The following ANGPT1 variants were observed in gnomAD, a reference collection of about 807,000 sequenced individuals.
The protein encoded by ANGPT1 is angiopoietin-1.
Under a neutral mutation model 62.2 loss-of-function variants are expected in ANGPT1, and 17 were observed. The ratio of observed to expected loss-of-function variants is 0.27; its 90% CI spans 0.19 to 0.41. The LOEUF is 0.41. Among genes scored for constraint, ANGPT1 ranks in the 10% least tolerant of loss-of-function variants. The pLI is 1.00. For missense variants in ANGPT1, 478 were observed against 594.9 expected (o/e 0.80, Z 2.04); for synonymous variants, 199 against 198.9 (o/e 1.00, Z 0.00).
Position 107,412,358 on chromosome 8 carries a change from A to G in ANGPT1, c.298-65261T>C, listed in dbSNP as rs139302949. Among the ~76,000 whole-genome samples the G allele has an allele frequency of 9.7e-4, 147 of 152,286 alleles. 1 individual carries two copies. Among genetic ancestry groups the G allele is most frequent in the African/African-American group, 3.3e-3 (139 of 41,572 alleles). On this transcript the variant is annotated intron_variant, in intron 1 of 8. Coordinates refer to ENST00000517746, the MANE Select transcript of ANGPT1 (RefSeq NM_001146.5). ...CAGTTTCTCTTGAATCATGGGCTTC[A>G]TAGGGAAGAGTGAATTCCTGAACAA...
At position 107,313,427 on chromosome 8, in the gene ANGPT1, T is replaced by C. The variant is rs13253367; in HGVS notation, c.808+8469A>G. ...TATAGGAAGCTAAAAATGTTACTAG[T>C]TGTTTTTTTTTTTTTTTTTTTTTTT... On this transcript the variant is annotated intron_variant, in intron 4 of 8. Transcript: ENST00000517746. 1.6e-4 allele frequency among the ~76,000 whole-genome samples: 17 copies of C among 105,710 alleles called. No homozygotes were observed. The East Asian group carries it at 4.7e-3, about 29-fold the overall frequency. The allele number at this position is 105,710 out of a possible 152,430, so 69.3% of individuals were successfully genotyped here. A position where few individuals can be genotyped will look rare whatever the true frequency, so the allele number is the denominator to read the frequency against.
intron 1 of ANGPT1, among the ~76,000 whole-genome samples, chr8:107,495,955 TA>T (rs1263923419): frequency 6.6e-6 from 1 of 152,182 alleles, no homozygotes; most frequent in Non-Finnish European, 1.5e-5. Flanking sequence ...AAGTTCCAGT[TA>T]ATGTGTCAAA....
At chr8:107,332,226 A>G (rs1414614640) in intron 3 of ANGPT1, among the ~76,000 whole-genome samples, 3 of 152,204 alleles carry the variant, frequency 2.0e-5, no homozygotes, top group Non-Finnish European at 4.4e-5. Context: ...TGGGCAAGGT[A>G]AAATATTAAT....
chr8:107,288,439 A>T (rs985953223), intron 6 of ANGPT1, among the ~76,000 whole-genome samples: 1 of 152,208 alleles, frequency 6.6e-6, no homozygotes, highest in South Asian at 2.1e-4. Flanking sequence ...TACCATGCTA[A>T]TAAGTTAATA....
At chr8:107,350,756 C>A (rs1372975721) in intron 1 of ANGPT1, among the ~76,000 whole-genome samples, 1 of 152,006 alleles carries the variant, frequency 6.6e-6, no homozygotes. Context: ...CCTTTTAATG[C>A]AAAATCTAAT....
intron 6 of ANGPT1, among the ~76,000 whole-genome samples, chr8:107,286,359 A>T (rs566207840): frequency 1.3e-5 from 2 of 152,246 alleles, no homozygotes; most frequent in Non-Finnish European, 2.9e-5. Flanking sequence ...TAAAATTACG[A>T]ATTGTTGGAA....
At chr8:107,393,882 G>A (rs553037840) in intron 1 of ANGPT1, among the ~76,000 whole-genome samples, 23 of 152,300 alleles carry the variant, frequency 1.5e-4, no homozygotes, top group African/African-American at 4.8e-4. Flanking sequence ...TGGAGCAACC[G>A]TCTTGACTTG....
chr8:107,402,855 T>C (rs999221745), intron 1 of ANGPT1, among the ~76,000 whole-genome samples: 5 of 152,208 alleles, frequency 3.3e-5, no homozygotes, highest in Admixed American at 1.3e-4. Context: ...GAGCCAGGAA[T>C]TACACTACTA....
chr8:107,325,750 C>CTTT (rs1328373142), intron 3 of ANGPT1, among the ~76,000 whole-genome samples: 7 of 151,510 alleles, frequency 4.6e-5, no homozygotes, highest in Admixed American at 4.6e-4. Context: ...AGACATAATA[C>CTTT]TTTTTTTTTA....
intron 6 of ANGPT1, among the ~76,000 whole-genome samples, chr8:107,289,264 G>C (rs1814216185): frequency 6.6e-6 from 1 of 152,092 alleles, no homozygotes; most frequent in Non-Finnish European, 1.5e-5. Flanking sequence ...ACATGCAAAG[G>C]AAAGATCAAC....
chr8:107,476,348 C>T (rs2130509921), intron 1 of ANGPT1, among the ~76,000 whole-genome samples: 1 of 152,218 alleles, frequency 6.6e-6, no homozygotes, highest in East Asian at 1.9e-4. Flanking sequence ...AAAAACCAAA[C>T]ACCGCATATT....
rs1009939819 is a variant in ANGPT1, at chr8:107,251,412, C to T, written c.*443G>A. On this transcript the variant is annotated 3_prime_UTR_variant, in exon 9 of 9. Transcript: ENST00000517746. ...TAGTAGGTTTGCATAGATATAACAC[C>T]TTTTCACTGGTATAATACATCTTTT... The T allele has an allele frequency of 6.3e-6, 1 of 159,330 alleles. No individual in the cohort carries two copies. Among genetic ancestry groups the T allele is most frequent in the Admixed American group, 6.0e-5 (1 of 16,622 alleles). The allele number at this position is 159,330 out of a possible 1,614,324, so 9.9% of individuals were successfully genotyped here.
rs138575473 is a variant in ANGPT1, at chr8:107,491,101, C to A, written c.297+6161G>T. 3.9e-5 allele frequency among the ~76,000 whole-genome samples: 6 copies of A among 152,104 alleles called. No homozygotes were observed. In the South Asian group the frequency reaches 1.2e-3, roughly 32 times the overall value. On this transcript the variant is annotated intron_variant, in intron 1 of 8. Transcript: ENST00000517746. Reference sequence around the variant, plus strand: ...ATTAAAAAATAATAAATAGAGCCAACTATGCTGTAAGCATTGTGCTAGAAA... The same window carrying A: ...ATTAAAAAATAATAAATAGAGCCAAATATGCTGTAAGCATTGTGCTAGAAA...
chr8:107,299,586 T>C (rs888632006), intron 5 of ANGPT1, among the ~76,000 whole-genome samples: 17 of 139,752 alleles, frequency 1.2e-4, no homozygotes, highest in Non-Finnish European at 2.3e-4. Flanking sequence ...CATATATAGA[T>C]ATAGACAGCA....
intron 1 of ANGPT1, among the ~76,000 whole-genome samples, chr8:107,398,150 T>C (rs187854910): frequency 8.3e-4 from 127 of 152,334 alleles, no homozygotes; most frequent in African/African-American, 2.9e-3. Flanking sequence ...GCTACCTGAA[T>C]AACCCACAGT....
chr8:107,455,504 A>G (rs916676032), intron 1 of ANGPT1, among the ~76,000 whole-genome samples: 1 of 152,030 alleles, frequency 6.6e-6, no homozygotes, highest in African/African-American at 2.4e-5. Context: ...AATGTGGTGA[A>G]TAAGTGGTTT....
intron 1 of ANGPT1, among the ~76,000 whole-genome samples, chr8:107,439,678 A>C (rs1291507108): frequency 1.3e-5 from 2 of 152,230 alleles, no homozygotes. Flanking sequence ...TACTATCCTC[A>C]AGGCACATAC....
chr8:107,385,625 T>G (rs1816717689), intron 1 of ANGPT1, among the ~76,000 whole-genome samples: 1 of 152,088 alleles, frequency 6.6e-6, no homozygotes. Context: ...CTTTTATTTT[T>G]TTTCCTTGCC....
intron 1 of ANGPT1, among the ~76,000 whole-genome samples, chr8:107,429,799 CTAA>C (rs1278343633): frequency 1.4e-5 from 2 of 146,296 alleles, no homozygotes; most frequent in Non-Finnish European, 3.0e-5. Flanking sequence ...TTTCTGTAGA[CTAA>C]TATTATTTTT....
Sources: gnomAD v4.1 joint callset for allele counts (sites outside exome capture counted in the v4.1 genomes callset) on GRCh38, gnomAD v4.1.1 for gene constraint, MANE v1.5 for transcripts, NCBI Gene and HGNC (gene_info 2026-07-23, HGNC 2026-07-21) for gene names.